Variants in HDAC9 observed in about 807,000 individuals in gnomAD.
The protein encoded by HDAC9 is histone deacetylase 9.
A neutral mutation model predicts 139.4 loss-of-function variants in HDAC9; 41 were observed. That is an observed-to-expected ratio of 0.29 (90% confidence interval 0.23 to 0.38). HDAC9 has a LOEUF of 0.38. HDAC9 is among the 10% of genes least tolerant of loss of function. HDAC9 has a pLI of 1.00. For missense variants in HDAC9, 1,147 were observed against 1,297.0 expected, an observed-to-expected ratio of 0.88 and a Z score of 1.78; for synonymous variants, 517 against 476.2, an observed-to-expected ratio of 1.09 and a Z score of -1.12.
intron 17 of HDAC9, among the ~76,000 whole-genome samples, chr7:18,793,713 G>A (rs980834560): frequency 1.3e-5 from 2 of 152,124 alleles, no homozygotes; most frequent in Non-Finnish European, 2.9e-5. Flanking sequence ...GAGATAATAA[G>A]CAAAGCTATG....
At chr7:18,263,910 C>T (rs1477663614) in intron 2 of HDAC9, among the ~76,000 whole-genome samples, 1 of 152,104 alleles carries the variant, frequency 6.6e-6, no homozygotes, top group Non-Finnish European at 1.5e-5. Context: ...TAAGCCACCA[C>T]GTGGGCCTGG....
intron 11 of HDAC9, among the ~76,000 whole-genome samples, chr7:18,660,730 T>C (rs1187158630): frequency 1.3e-5 from 2 of 151,486 alleles, no homozygotes; most frequent in African/African-American, 4.9e-5. Flanking sequence ...TTTGAGGGAG[T>C]AGAGAGAGCA....
chr7:18,304,594 T>TG (rs1046376677), intron 1 of HDAC9, among the ~76,000 whole-genome samples: 2 of 151,976 alleles, frequency 1.3e-5, no homozygotes, highest in African/African-American at 4.8e-5. Context: ...GCATGAAAGT[T>TG]GAAAAAAAGT....
intron 2 of HDAC9, among the ~76,000 whole-genome samples, chr7:18,185,501 T>C (rs1288098549): frequency 6.6e-6 from 1 of 152,208 alleles, no homozygotes; most frequent in African/African-American, 2.4e-5. Context: ...AGAGGAAATA[T>C]TGTCTATTAA....
At chr7:18,644,464 A>G (rs1302982356) in intron 8 of HDAC9, among the ~76,000 whole-genome samples, 1 of 152,134 alleles carries the variant, frequency 6.6e-6, no homozygotes, top group Non-Finnish European at 1.5e-5. Context: ...ATGAACATAG[A>G]TGCCTTTTAT....
At chr7:18,596,358 C>T (rs1406536187) in intron 6 of HDAC9, among the ~76,000 whole-genome samples, 1 of 151,838 alleles carries the variant, frequency 6.6e-6, no homozygotes, top group Admixed American at 6.6e-5. Flanking sequence ...TTAGAGATGC[C>T]CTTCATTAAT....
chr7:18,923,941 T>G (rs536682260), intron 22 of HDAC9, among the ~76,000 whole-genome samples: 2 of 152,232 alleles, frequency 1.3e-5, no homozygotes, highest in East Asian at 3.9e-4. Context: ...TTAATGATTT[T>G]TTTAATGGCA....
intron 12 of HDAC9, among the ~76,000 whole-genome samples, chr7:18,706,153 AG>A (rs1783890272): frequency 7.6e-6 from 1 of 130,806 alleles, no homozygotes; most frequent in Admixed American, 8.4e-5. Context: ...CCTCTCTGAA[AG>A]TTTTCCTTTT....
Position 18,999,242 on chromosome 7 carries a change from A to C in HDAC9, c.*3180A>C, listed in dbSNP as rs1448063889. The C allele has an allele frequency of 1.3e-5, 2 of 152,242 alleles. No homozygotes were observed. Among genetic ancestry groups the C allele is most frequent in the Non-Finnish European group, 2.9e-5 (2 of 68,044 alleles). The allele number at this position is 152,242 out of a possible 1,614,324, so 9.4% of individuals were successfully genotyped here. A position where few individuals can be genotyped will look rare whatever the true frequency, so the allele number is the denominator to read the frequency against. On this transcript the variant is annotated 3_prime_UTR_variant, in exon 26 of 26. Coordinates refer to ENST00000686413, the MANE Select transcript of HDAC9 (RefSeq NM_178425.4). ...CACTCTCACTAACCTTTCACTGACA[A>C]CATCATGGCCTTGAAAGCAGGGATC...
At chr7:18,946,306 G>C (rs1782400806) in intron 23 of HDAC9, among the ~76,000 whole-genome samples, 1 of 151,930 alleles carries the variant, frequency 6.6e-6, no homozygotes, top group Admixed American at 6.6e-5. Flanking sequence ...TAAAATTTTA[G>C]AATCAGCTTG....
At chr7:18,785,732 T>C (rs1585033592) in intron 16 of HDAC9, among the ~76,000 whole-genome samples, 2 of 152,294 alleles carry the variant, frequency 1.3e-5, no homozygotes, top group African/African-American at 4.8e-5. Flanking sequence ...TTTTACTTTT[T>C]GGATTTTGAT....
chr7:18,188,856 A>T (rs1431258134), intron 2 of HDAC9, among the ~76,000 whole-genome samples: 2 of 152,160 alleles, frequency 1.3e-5, no homozygotes, highest in Non-Finnish European at 2.9e-5. Flanking sequence ...GATGCTGGCG[A>T]GGCTTTGGAG....
At chr7:18,560,018 C>G (rs1034849691) in intron 2 of HDAC9, among the ~76,000 whole-genome samples, 3 of 152,076 alleles carry the variant, frequency 2.0e-5, no homozygotes, top group Non-Finnish European at 4.4e-5. Flanking sequence ...AAGCAAAAGA[C>G]TATATAATGA....
chr7:18,515,062 G>C (rs374390712), intron 2 of HDAC9, among the ~76,000 whole-genome samples: 1 of 152,110 alleles, frequency 6.6e-6, no homozygotes, highest in East Asian at 1.9e-4. Flanking sequence ...CTAAACTCCA[G>C]TTTATAGTCA....
chr7:18,524,634 A>G (rs1806203538), intron 2 of HDAC9, among the ~76,000 whole-genome samples: 1 of 152,142 alleles, frequency 6.6e-6, no homozygotes, highest in African/African-American at 2.4e-5. Flanking sequence ...GTTTGGGGCA[A>G]AGGAAGATTA....
At chr7:18,264,323 TC>T (rs1211127723) in intron 2 of HDAC9, among the ~76,000 whole-genome samples, 1 of 152,046 alleles carries the variant, frequency 6.6e-6, no homozygotes, top group Non-Finnish European at 1.5e-5. Flanking sequence ...CAAAGTATAT[TC>T]TCCAACTACA....
At chr7:18,784,336 C>T (rs1031313347) in intron 16 of HDAC9, among the ~76,000 whole-genome samples, 2 of 151,974 alleles carry the variant, frequency 1.3e-5, no homozygotes, top group African/African-American at 4.8e-5. Flanking sequence ...CCTCAGCTTT[C>T]TGAGTAGCTG....
intron 1 of HDAC9, among the ~76,000 whole-genome samples, chr7:18,474,926 A>T (rs550481406): frequency 6.7e-4 from 102 of 152,312 alleles, no homozygotes; most frequent in African/African-American, 2.3e-3. Flanking sequence ...ATCTATAAAG[A>T]CACCTTGTAT....
In HDAC9 at chr7:18,762,367, A is replaced by G. The variant is rs1584993027; in HGVS notation, c.2164+90A>G. ...TGTCAGTTCAAAATACTTGGCAAGTAGTGCAACAAAAAATCAGTTTTTCCA... is the reference window on the plus strand; with the variant it reads ...TGTCAGTTCAAAATACTTGGCAAGTGGTGCAACAAAAAATCAGTTTTTCCA... On this transcript the variant is annotated intron_variant, in intron 15 of 25. Coordinates refer to ENST00000686413, the MANE Select transcript of HDAC9 (RefSeq NM_178425.4). 5 of 1,452,168 alleles carry G rather than the reference A, an allele frequency of 3.4e-6. No individual in the cohort carries two copies. In the East Asian group the frequency reaches 1.2e-4, roughly 34 times the overall value. The allele number at this position is 1,452,168 out of a possible 1,614,324, so 90.0% of individuals were successfully genotyped here. A position where few individuals can be genotyped will look rare whatever the true frequency, so the allele number is the denominator to read the frequency against.
Sources: gnomAD v4.1 joint callset for allele counts (sites outside exome capture counted in the v4.1 genomes callset) on GRCh38, gnomAD v4.1.1 for gene constraint, MANE v1.5 for transcripts, NCBI Gene and HGNC (gene_info 2026-07-23, HGNC 2026-07-21) for gene names.